The following DNMT3B variants were observed in gnomAD, a reference collection of about 807,000 sequenced individuals.
The protein encoded by DNMT3B is DNA (cytosine-5)-methyltransferase 3B.
Under a neutral mutation model 120.2 loss-of-function variants are expected in DNMT3B, and 37 were observed. The ratio of observed to expected loss-of-function variants is 0.31; its 90% CI spans 0.24 to 0.40. The LOEUF is 0.40. Among genes scored for constraint, DNMT3B ranks in the 10% least tolerant of loss-of-function variants. The pLI, the probability that DNMT3B is intolerant of heterozygous loss-of-function variation, is 1.00. For synonymous variants in DNMT3B, 412 were observed against 442.8 expected (o/e 0.93, Z 0.87); for missense variants, 878 against 1,137.3 (o/e 0.77, Z 3.28).
intron 13 of DNMT3B, 152 bp downstream of exon 13, chr20:32,797,021 T>G (rs1026512462): frequency 1.9e-6 from 3 of 1,610,096 alleles, no homozygotes; most frequent in Non-Finnish European, 2.5e-6. Flanking sequence ...GGGACAGCTG[T>G]CACAGAGGCC....
chr20:32,799,644 A>G (rs1981077081), intron 16 of DNMT3B, among the ~76,000 whole-genome samples: 1 of 152,090 alleles, frequency 6.6e-6, no homozygotes, highest in Non-Finnish European at 1.5e-5. Flanking sequence ...CAGCCTCCCA[A>G]GTAGCTGGGA....
intron 1 of DNMT3B, 117 bp from the exon 2 acceptor site, chr20:32,780,201 C>T: frequency 1.9e-6 from 3 of 1,612,980 alleles, no homozygotes; most frequent in Non-Finnish European, 2.5e-6. Context: ...AAGAGCATCA[C>T]CCTAAGAATG....
intron 22 of DNMT3B, among the ~76,000 whole-genome samples, chr20:32,807,132 A>G (rs925718729): frequency 2.0e-5 from 3 of 152,226 alleles, no homozygotes; most frequent in African/African-American, 7.2e-5. Context: ...CTGAGGTATC[A>G]CATCTTTGGC....
At chr20:32,793,032 A>T (rs1980172595) in intron 9 of DNMT3B, among the ~76,000 whole-genome samples, 1 of 152,250 alleles carries the variant, frequency 6.6e-6, no homozygotes, top group Non-Finnish European at 1.5e-5. Flanking sequence ...TGCAGTGTTG[A>T]CTAGCACCTT....
intron 1 of DNMT3B, chr20:32,779,971 A>G: frequency 9.2e-7 from 1 of 1,082,832 alleles, no homozygotes; most frequent in Non-Finnish European, 1.4e-6. Flanking sequence ...CTGGCGGCAG[A>G]CGGGCCGGGA....
chr20:32,801,072 T>A, intron 18 of DNMT3B, 147 bp downstream of exon 18: 1 of 1,240,932 alleles, frequency 8.1e-7, no homozygotes, highest in Non-Finnish European at 1.2e-6. Flanking sequence ...CGCTCCATAG[T>A]AAATCCTCAG....
At chr20:32,795,606 C>T in intron 11 of DNMT3B, 44 bp from the exon 12 acceptor site, 1 of 1,614,140 alleles carries the variant, frequency 6.2e-7, no homozygotes, top group Non-Finnish European at 8.5e-7. Context: ...TGATCTGTAC[C>T]CGGCTCCCTG....
At chr20:32,766,008 T>C (rs1987346793) in intron 1 of DNMT3B, among the ~76,000 whole-genome samples, 1 of 151,976 alleles carries the variant, frequency 6.6e-6, no homozygotes, top group South Asian at 2.1e-4. Flanking sequence ...CCACCCGCCT[T>C]GGCCTCCCAA....
intron 20 of DNMT3B, among the ~76,000 whole-genome samples, 153 bp downstream of exon 20, chr20:32,802,623 G>T (rs1179775017): frequency 6.6e-6 from 1 of 152,194 alleles, no homozygotes; most frequent in Non-Finnish European, 1.5e-5. Context: ...GTTGATCTCT[G>T]TTAAGATGTT....
chr20:32,771,032 A>G (rs1302023274), intron 1 of DNMT3B, among the ~76,000 whole-genome samples: 1 of 152,126 alleles, frequency 6.6e-6, no homozygotes, highest in Admixed American at 6.5e-5. Context: ...GGCATGAGCC[A>G]CTGTCCCTGG....
At chr20:32,798,322 C>A in intron 14 of DNMT3B, 138 bp from the exon 15 acceptor site, 4 of 1,083,318 alleles carry the variant, frequency 3.7e-6, no homozygotes, top group Non-Finnish European at 5.4e-6. Context: ...CACAGGGCCC[C>A]GCAGGCTATG....
rs779295951 is a variant in DNMT3B at position 32,788,837 on chromosome 20, T to C, written c.655-17T>C. ...GCCTCTCCTCACTGGGATTTCTTCATGTGGGTTTTCTTCCAGGATGGGAAG... is the reference window on the plus strand; with the variant it reads ...GCCTCTCCTCACTGGGATTTCTTCACGTGGGTTTTCTTCCAGGATGGGAAG... On this transcript the variant is annotated splice_polypyrimidine_tract_variant and intron_variant, in intron 6 of 22. Transcript: ENST00000328111. 72 of 1,613,878 alleles carry C rather than the reference T, an allele frequency of 4.5e-5. No individual in the cohort carries two copies. The East Asian group carries it at 1.5e-3, about 34-fold the overall frequency.
chr20:32,788,708 G>A, intron 6 of DNMT3B, 146 bp from the exon 7 acceptor site: 1 of 1,029,686 alleles, frequency 9.7e-7, no homozygotes, highest in South Asian at 1.5e-5. Context: ...AAAGTACTGA[G>A]AATTACAGGC....
At chr20:32,798,671 C>T (rs764678769) in intron 15 of DNMT3B, 28 bp downstream of exon 15, 2 of 1,613,592 alleles carry the variant, frequency 1.2e-6, no homozygotes, top group Non-Finnish European at 1.7e-6. Flanking sequence ...GCCTCTACCA[C>T]CACAGATCCC....
At chr20:32,795,767 A>T in intron 12 of DNMT3B, 73 bp downstream of exon 12, 1 of 1,586,164 alleles carries the variant, frequency 6.3e-7, no homozygotes. Context: ...GTCCTGGCTC[A>T]TCCACCCTGT....
At chr20:32,763,516 C>G (rs910340263) in intron 1 of DNMT3B, among the ~76,000 whole-genome samples, 3 of 152,242 alleles carry the variant, frequency 2.0e-5, no homozygotes, top group Non-Finnish European at 4.4e-5. Flanking sequence ...GCTGGCCCCA[C>G]TTCCCAGACT....
intron 7 of DNMT3B, among the ~76,000 whole-genome samples, chr20:32,791,229 C>G (rs773695601): frequency 4.6e-5 from 7 of 152,274 alleles, no homozygotes; most frequent in African/African-American, 1.4e-4. Flanking sequence ...TGTGCAAACC[C>G]TCAATGCTGG....
chr20:32,793,495 T>A (rs1980230814), intron 9 of DNMT3B, 41 bp from the exon 10 acceptor site: 1 of 1,605,702 alleles, frequency 6.2e-7, no homozygotes, highest in Admixed American at 1.7e-5. Flanking sequence ...ATACATTTAA[T>A]GTAATGTTTT....
chr20:32,764,148 A>T (rs1987153879), intron 1 of DNMT3B, among the ~76,000 whole-genome samples: 1 of 152,184 alleles, frequency 6.6e-6, no homozygotes, highest in South Asian at 2.1e-4. Context: ...AAGGAAGCAT[A>T]GTTCTTAGTT....
Sources: gnomAD v4.1 joint callset for allele counts (sites outside exome capture counted in the v4.1 genomes callset) on GRCh38, gnomAD v4.1.1 for gene constraint, MANE v1.5 for transcripts, NCBI Gene and HGNC (gene_info 2026-07-23, HGNC 2026-07-21) for gene names.